ASTN2: variants seen among roughly 807,000 people sequenced by gnomAD.
ASTN2 encodes astrotactin 2.
ASTN2 carries 54 observed loss-of-function variants against 139.8 expected under a neutral mutation model. That is an observed-to-expected ratio of 0.39 (90% CI 0.31 to 0.48). ASTN2 has a LOEUF of 0.48. Ranked by LOEUF, ASTN2 falls within the 20% of genes least tolerant of loss-of-function variation. The pLI is 0.95. For synonymous variants in ASTN2, 756 were observed against 719.5 expected, an observed-to-expected ratio of 1.05 and a Z score of -0.81; for missense variants, 1,565 against 1,725.1, an observed-to-expected ratio of 0.91 and a Z score of 1.64.
intron 19 of ASTN2, among the ~76,000 whole-genome samples, chr9:116,507,134 T>C (rs561797537): frequency 6.6e-6 from 1 of 152,294 alleles, no homozygotes; most frequent in Admixed American, 6.5e-5. Flanking sequence ...GTGATGCTCA[T>C]TTTGAAGATG....
chr9:116,425,347 A>G lies in ASTN2; in HGVS notation c.*504T>C, dbSNP rs1361138550. On this transcript the variant is annotated 3_prime_UTR_variant, in exon 23 of 23. Transcript: ENST00000313400. ...ATAATGTCCAGCAAAAAAGAGAGAG[A>G]AGTCCTTAAAGACCCATGCTTCCTC... 4 of 556,066 alleles carry G rather than the reference A, an allele frequency of 7.2e-6. No homozygotes were observed. The highest frequency in any genetic ancestry group is 1.3e-5 in the Non-Finnish European group (4 of 311,926). 34.4% of individuals were successfully genotyped at this position (556,066 alleles called of 1,614,324 possible).
At position 117,363,599 on chromosome 9, in the gene ASTN2, TAG is replaced by T. The variant is rs1023158341; in HGVS notation, c.442+50896_442+50897del. 3.9e-4 allele frequency among the ~76,000 whole-genome samples: 60 copies of T among 152,250 alleles called. 1 individual carries two copies. The highest frequency in any genetic ancestry group is 1.4e-3 in the African/African-American group (58 of 41,548). On this transcript the variant is annotated intron_variant, in intron 1 of 22. Transcript: ENST00000313400. ...GAACATGCTGTGAAAGATCAGCAGA[TAG>T]AGAGGACATTTTTGGTTACAGTTAA... is the stretch of plus-strand genomic sequence containing the variant.
intron 20 of ASTN2, among the ~76,000 whole-genome samples, chr9:116,459,872 A>G (rs1848435093): frequency 6.6e-6 from 1 of 152,150 alleles, no homozygotes; most frequent in Non-Finnish European, 1.5e-5. Flanking sequence ...ACACAGAGTT[A>G]TCATATGACC....
At position 116,694,232 on chromosome 9, in the gene ASTN2, T is replaced by A. The variant is rs113347165; in HGVS notation, c.2806+31539A>T. Among the ~76,000 whole-genome samples the A allele has an allele frequency of 4.9e-3, 750 of 152,232 alleles. 5 individuals are homozygous for A. The highest frequency in any genetic ancestry group is 0.017 in the African/African-American group (726 of 41,536). ...GGAGGGATATGATATTCCAGAAAGC[T>A]TGGGAAATAATTTGCTGCTATTTTT... is the stretch of plus-strand genomic sequence containing the variant. On this transcript the variant is annotated intron_variant, in intron 16 of 22. Transcript: ENST00000313400.
chr9:116,776,900 G>A (rs1200815380), intron 13 of ASTN2, among the ~76,000 whole-genome samples: 1 of 152,170 alleles, frequency 6.6e-6, no homozygotes, highest in Non-Finnish European at 1.5e-5. Context: ...GGACACCAGA[G>A]GTTCATGCAG....
At chr9:116,663,128 T>C (rs147568063) in intron 16 of ASTN2, among the ~76,000 whole-genome samples, 7 of 152,276 alleles carry the variant, frequency 4.6e-5, no homozygotes, top group African/African-American at 1.7e-4. Context: ...CTTCTCAGGC[T>C]AGGGGTCAAA....
intron 13 of ASTN2, among the ~76,000 whole-genome samples, chr9:116,738,049 G>T (rs990498508): frequency 6.6e-6 from 1 of 151,560 alleles, no homozygotes; most frequent in Non-Finnish European, 1.5e-5. Flanking sequence ...AAAATTAGCC[G>T]GGCGTGGTAG....
intron 2 of ASTN2, among the ~76,000 whole-genome samples, chr9:117,273,490 C>G (rs6478300): frequency 6.6e-6 from 1 of 151,890 alleles, no homozygotes; most frequent in South Asian, 2.1e-4. Flanking sequence ...AGATAAGGGA[C>G]GAGTGTGTGA....
At chr9:116,718,383 G>T (rs1008463064) in intron 16 of ASTN2, among the ~76,000 whole-genome samples, 2 of 152,170 alleles carry the variant, frequency 1.3e-5, no homozygotes, top group Non-Finnish European at 2.9e-5. Flanking sequence ...GCCATGGGAA[G>T]GAATTTGCAA....
intron 11 of ASTN2, among the ~76,000 whole-genome samples, chr9:116,824,225 T>C (rs1831562038): frequency 6.6e-6 from 1 of 152,222 alleles, no homozygotes; most frequent in Non-Finnish European, 1.5e-5. Context: ...GCTTCAAAGA[T>C]GGTCCCCAGT....
chr9:117,187,386 A>G (rs1263699906), intron 3 of ASTN2, among the ~76,000 whole-genome samples: 1 of 152,260 alleles, frequency 6.6e-6, no homozygotes. Flanking sequence ...ATGATGCTAA[A>G]AAATAATGAT....
chr9:117,373,928 G>A (rs919764652), intron 1 of ASTN2, among the ~76,000 whole-genome samples: 2 of 152,128 alleles, frequency 1.3e-5, no homozygotes, highest in African/African-American at 4.8e-5. Context: ...AGCACTTAAT[G>A]ATTATTTCTG....
At chr9:116,659,489 A>G (rs1042954240) in intron 16 of ASTN2, among the ~76,000 whole-genome samples, 2 of 152,184 alleles carry the variant, frequency 1.3e-5, no homozygotes, top group African/African-American at 4.8e-5. Flanking sequence ...CACTTGATAG[A>G]TCAGAGAAGT....
At chr9:116,484,175 AAG>A in intron 20 of ASTN2, among the ~76,000 whole-genome samples, 1 of 152,220 alleles carries the variant, frequency 6.6e-6, no homozygotes, top group Non-Finnish European at 1.5e-5. Flanking sequence ...AGCGACTGAG[AAG>A]AGTCAGGGGA....
chr9:116,953,862 A>G (rs1012748108), intron 10 of ASTN2, among the ~76,000 whole-genome samples: 2 of 152,206 alleles, frequency 1.3e-5, no homozygotes, highest in Admixed American at 1.3e-4. Context: ...GCTGTAGCTC[A>G]ATCTGTATCC....
Position 116,424,101 on chromosome 9 carries a change from T to C in ASTN2, c.*1750A>G, listed in dbSNP as rs1164567217. Among the ~76,000 whole-genome samples, 1 of 152,096 alleles carries C rather than the reference T, an allele frequency of 6.6e-6. No individual in the cohort carries two copies. The highest frequency in any genetic ancestry group is 1.5e-5 in the Non-Finnish European group (1 of 68,010). ...TAGCTTATTTGAGCTAATATGAGGG[T>C]GTTAAGAATTTATAACATCTCTTCA... On this transcript the variant is annotated 3_prime_UTR_variant, in exon 23 of 23. Coordinates refer to ENST00000313400, the MANE Select transcript of ASTN2 (RefSeq NM_001365068.1).
At chr9:116,733,622 A>T in intron 13 of ASTN2, 99 bp from the exon 14 acceptor site, 2 of 1,491,568 alleles carry the variant, frequency 1.3e-6, no homozygotes, top group Non-Finnish European at 1.8e-6. Flanking sequence ...ATAAAGACTC[A>T]TGGTGGGGTG....
intron 19 of ASTN2, among the ~76,000 whole-genome samples, chr9:116,524,970 G>A (rs1851029304): frequency 6.6e-6 from 1 of 152,212 alleles, no homozygotes; most frequent in Non-Finnish European, 1.5e-5. Context: ...TTGGAACTGG[G>A]TAACAGGCAG....
intron 2 of ASTN2, among the ~76,000 whole-genome samples, chr9:117,255,184 A>G (rs956554027): frequency 2.6e-5 from 4 of 152,224 alleles, no homozygotes; most frequent in Admixed American, 2.6e-4. Flanking sequence ...CCCCCTCTGG[A>G]CTTCCAGAGA....
Sources: allele counts gnomAD v4.1 joint callset (sites outside exome capture counted in the v4.1 genomes callset), GRCh38; gene constraint gnomAD v4.1.1; transcripts MANE v1.5; gene names NCBI Gene and HGNC (gene_info 2026-07-23, HGNC 2026-07-21).